Variants in MCC observed in about 807,000 individuals in gnomAD.
The protein encoded by MCC is MCC regulator of Wnt signaling pathway, also known as colorectal mutant cancer protein.
Under a neutral mutation model 116.2 loss-of-function variants are expected in MCC, and 90 were observed. That is an observed-to-expected ratio of 0.77 (90% CI 0.65 to 0.92). The LOEUF is 0.92. Among genes scored for constraint, MCC ranks in the 40% least tolerant of loss-of-function variants. The probability of loss-of-function intolerance (pLI) is 0.00; values close to 1 mark genes in which losing one functional copy is unlikely to be tolerated. For missense variants in MCC, 1,516 were observed against 1,312.2 expected (o/e 1.16, Z -2.40); for synonymous variants, 578 against 510.5 (o/e 1.13, Z -1.78).
Position 113,403,499 on chromosome 5 carries a change from T to A in MCC, c.171-18287A>T, listed in dbSNP as rs143389062. Among the ~76,000 whole-genome samples the A allele has an allele frequency of 2.0e-5, 3 of 152,338 alleles. No individual in the cohort carries two copies. In the East Asian group the frequency reaches 5.8e-4, roughly 29 times the overall value. On this transcript the variant is annotated intron_variant, in intron 1 of 18. Coordinates refer to ENST00000408903, the MANE Select transcript of MCC (RefSeq NM_001085377.2). ...GTAATTAAACAAAAGGGGCTCTTCA[T>A]GTTTCAGAAATTTGTAGTACAAATC...
intron 11 of MCC, among the ~76,000 whole-genome samples, chr5:113,074,939 C>T (rs752628850): frequency 1.4e-4 from 21 of 151,268 alleles, no homozygotes; most frequent in African/African-American, 2.0e-4. Flanking sequence ...TCGTCGGCCT[C>T]GGTGTCTGCT....
intron 1 of MCC, among the ~76,000 whole-genome samples, chr5:113,395,933 T>C (rs919796785): frequency 6.6e-6 from 1 of 152,170 alleles, no homozygotes; most frequent in Non-Finnish European, 1.5e-5. Context: ...GCAGCATCAG[T>C]ATTTGTTAAA....
At chr5:113,094,172 A>C (rs139739207) in intron 8 of MCC, among the ~76,000 whole-genome samples, 6 of 152,212 alleles carry the variant, frequency 3.9e-5, no homozygotes, top group African/African-American at 7.2e-5. Context: ...GCAAATATTT[A>C]TTTCTTTCTA....
At chr5:113,199,624 G>A (rs1020887842) in intron 3 of MCC, among the ~76,000 whole-genome samples, 1 of 152,186 alleles carries the variant, frequency 6.6e-6, no homozygotes, top group Non-Finnish European at 1.5e-5. Flanking sequence ...TGTGTGCCAT[G>A]GGCCATAGAA....
intron 3 of MCC, among the ~76,000 whole-genome samples, chr5:113,216,715 T>C (rs1347121593): frequency 6.6e-6 from 1 of 152,258 alleles, no homozygotes; most frequent in Non-Finnish European, 1.5e-5. Context: ...AAATTTCTAT[T>C]CTTTTGTATC....
intron 3 of MCC, among the ~76,000 whole-genome samples, chr5:113,243,468 C>T (rs991884566): frequency 6.6e-6 from 1 of 152,182 alleles, no homozygotes; most frequent in African/African-American, 2.4e-5. Context: ...ACAGAGAACT[C>T]TGTAGTATGA....
rs776209703 is a variant in MCC, at chr5:113,063,978, C to CATTA, written c.2213+2_2213+5dup. 1 of 1,610,016 alleles carries CATTA rather than the reference C, an allele frequency of 6.2e-7. No homozygotes were observed. Among genetic ancestry groups the CATTA allele is most frequent in the Admixed American group, 1.7e-5 (1 of 59,752 alleles). On this transcript the variant is annotated splice_donor_region_variant and intron_variant, in intron 14 of 18. Transcript: ENST00000408903. ...GCCCACCCCAGAGCAGAAGGCTGAG[C>CATTA]ATTACCTGGTGTGGCTGTTGGAGGA...
At chr5:113,330,674 A>G (rs1219595931) in intron 3 of MCC, among the ~76,000 whole-genome samples, 1 of 152,194 alleles carries the variant, frequency 6.6e-6, no homozygotes, top group African/African-American at 2.4e-5. Flanking sequence ...CCCCTCCCCT[A>G]CACAAAAGGA....
At chr5:113,459,187 TG>T (rs11346570) in intron 1 of MCC, among the ~76,000 whole-genome samples, 35,596 of 82,230 alleles carry the variant, frequency 0.43, 6,285 homozygotes, top group African/African-American at 0.55. Context: ...GTGAAGTGGG[TG>T]GGGGGGGGAG....
intron 3 of MCC, among the ~76,000 whole-genome samples, chr5:113,188,138 T>C (rs567287005): frequency 2.6e-5 from 4 of 152,336 alleles, no homozygotes; most frequent in South Asian, 2.1e-4. Context: ...CAGATGGTAC[T>C]GAAACAACGA....
chr5:113,471,123 G>A (rs1049351870), intron 1 of MCC, among the ~76,000 whole-genome samples: 4 of 78,086 alleles, frequency 5.1e-5, no homozygotes, highest in African/African-American at 1.2e-4. Flanking sequence ...CCATTGGTTC[G>A]AATTTCCTCC....
chr5:113,411,110 C>G (rs1002350555), intron 1 of MCC, among the ~76,000 whole-genome samples: 1 of 152,076 alleles, frequency 6.6e-6, no homozygotes, highest in Admixed American at 6.6e-5. Flanking sequence ...ATCATCCTTT[C>G]GGTATATAAC....
intron 5 of MCC, among the ~76,000 whole-genome samples, chr5:113,140,845 C>A (rs144566254): frequency 1.3e-5 from 2 of 152,206 alleles, no homozygotes; most frequent in Admixed American, 1.3e-4. Flanking sequence ...AGTTCATCCA[C>A]GGTGCCTAGT....
intron 7 of MCC, among the ~76,000 whole-genome samples, chr5:113,102,257 T>C (rs1398794710): frequency 6.6e-6 from 1 of 152,234 alleles, no homozygotes; most frequent in Non-Finnish European, 1.5e-5. Context: ...GCTTATTTCC[T>C]TCACTTGAGT....
chr5:113,040,529 C>A (rs745702819), intron 17 of MCC, among the ~76,000 whole-genome samples: 1 of 152,110 alleles, frequency 6.6e-6, no homozygotes, highest in Admixed American at 6.5e-5. Flanking sequence ...CTGACCTCAA[C>A]CATAAGCTCG....
At chr5:113,260,461 C>G (rs946909096) in intron 3 of MCC, among the ~76,000 whole-genome samples, 1 of 152,110 alleles carries the variant, frequency 6.6e-6, no homozygotes, top group Admixed American at 6.5e-5. Flanking sequence ...AAAGAAAAAT[C>G]TGGCCTCATA....
At chr5:113,469,918 T>A (rs1316619204) in intron 1 of MCC, among the ~76,000 whole-genome samples, 1 of 152,222 alleles carries the variant, frequency 6.6e-6, no homozygotes, top group Non-Finnish European at 1.5e-5. Flanking sequence ...GTTGAATTGA[T>A]CCCTTTACCA....
At chr5:113,310,474 C>T (rs545481474) in intron 3 of MCC, among the ~76,000 whole-genome samples, 1 of 152,336 alleles carries the variant, frequency 6.6e-6, no homozygotes, top group South Asian at 2.1e-4. Flanking sequence ...TATCCTGTTA[C>T]AGCAGCACAA....
chr5:113,167,289 C>T (rs1760820813), intron 3 of MCC, among the ~76,000 whole-genome samples: 1 of 152,162 alleles, frequency 6.6e-6, no homozygotes, highest in African/African-American at 2.4e-5. Flanking sequence ...TAAATCCTGG[C>T]AATTGTGACT....
Sources: allele counts gnomAD v4.1 joint callset (sites outside exome capture counted in the v4.1 genomes callset), GRCh38; gene constraint gnomAD v4.1.1; transcripts MANE v1.5; gene names NCBI Gene and HGNC (gene_info 2026-07-23, HGNC 2026-07-21).